The following CD1B variants were observed in gnomAD, a reference collection of about 807,000 sequenced individuals.
CD1B encodes the protein T-cell surface glycoprotein CD1b.
CD1B carries 43 observed loss-of-function variants against 39.8 expected under a neutral mutation model. The observed-to-expected ratio is 1.08, with a 90% CI of 0.85 to 1.39. The LOEUF (loss-of-function observed/expected upper bound fraction) is 1.39, where lower values mean the gene tolerates loss of function less well. CD1B is among the 40% of genes most tolerant of loss of function. The pLI is 0.00. For missense variants in CD1B, 495 were observed against 403.8 expected (o/e 1.23, Z -1.94); for synonymous variants, 192 against 152.5 (o/e 1.26, Z -1.91).
the CD1B span, among the ~76,000 whole-genome samples, chr1:158,290,630 G>A: frequency 5.9e-5 from 9 of 152,162 alleles, no homozygotes; most frequent in Non-Finnish European, 8.8e-5. Flanking sequence ...GAAGCAGATT[G>A]TCTTAGTTGC....
chr1:158,310,720 A>C, the CD1B span, among the ~76,000 whole-genome samples: 1 of 152,212 alleles, frequency 6.6e-6, no homozygotes. Flanking sequence ...AATTCTCAAC[A>C]TCACTAATCA....
At chr1:158,330,485 C>T (rs1416975995) in intron 2 of CD1B, 8 of 568,798 alleles carry the variant, frequency 1.4e-5, no homozygotes, top group Admixed American at 2.8e-5. Context: ...GAAAGCCACA[C>T]GTTAGATCAC....
the CD1B span, chr1:158,293,113 A>G: frequency 1.0e-6 from 1 of 1,003,520 alleles, no homozygotes; most frequent in African/African-American, 1.6e-5. Flanking sequence ...TAACTGATGC[A>G]ACTCATCCAA....
chr1:158,293,536 A>G, the CD1B span: 1 of 1,613,968 alleles, frequency 6.2e-7, no homozygotes, highest in Non-Finnish European at 8.5e-7. Flanking sequence ...AGCCTAGTAC[A>G]ATATAGTGAT....
chr1:158,322,782 G>T, the CD1B span, among the ~76,000 whole-genome samples: 2 of 151,962 alleles, frequency 1.3e-5, no homozygotes, highest in Admixed American at 6.6e-5. Context: ...TTTATTCTTG[G>T]TTGGCATTCT....
chr1:158,314,243 A>G, the CD1B span, among the ~76,000 whole-genome samples: 44 of 151,962 alleles, frequency 2.9e-4, no homozygotes, highest in African/African-American at 9.6e-4. Flanking sequence ...TGCCACCACA[A>G]TCAGCTAATT....
the CD1B span, among the ~76,000 whole-genome samples, chr1:158,316,809 C>G: frequency 1.3e-5 from 2 of 151,710 alleles, no homozygotes; most frequent in Non-Finnish European, 2.9e-5. Context: ...ATAGATAGCT[C>G]TTATTATTTT....
At chr1:158,327,775 C>T (rs555763164), downstream of CD1B, among the ~76,000 whole-genome samples, 1 of 152,172 alleles carries the variant, frequency 6.6e-6, no homozygotes, top group African/African-American at 2.4e-5. Flanking sequence ...GCTGAGCCTT[C>T]AGGGCTAGAA....
At chr1:158,293,089 T>C in the CD1B span, 1 of 930,382 alleles carries the variant, frequency 1.1e-6, no homozygotes. Context: ...TGGAATAGAG[T>C]GACTGAAATA....
chr1:158,293,493 TC>T, the CD1B span: 1 of 1,614,028 alleles, frequency 6.2e-7, no homozygotes, highest in Non-Finnish European at 8.5e-7. Context: ...TCCCCCTGAC[TC>T]CCCCATTGTG....
the CD1B span, chr1:158,290,057 C>A: frequency 2.5e-6 from 4 of 1,613,338 alleles, no homozygotes; most frequent in African/African-American, 1.3e-5. Context: ...GAAACATCTG[C>A]AAATGACATG....
the CD1B span, among the ~76,000 whole-genome samples, chr1:158,300,661 C>G: frequency 6.6e-6 from 1 of 151,932 alleles, no homozygotes; most frequent in Non-Finnish European, 1.5e-5. Flanking sequence ...AATCTGGGTG[C>G]TCCTGTTTTG....
chr1:158,323,302 C>T (rs1652250094), downstream of CD1B, among the ~76,000 whole-genome samples: 1 of 150,878 alleles, frequency 6.6e-6, no homozygotes, highest in African/African-American at 2.4e-5. Context: ...TTTCTTATTT[C>T]ATTAATTGTA....
the CD1B span, among the ~76,000 whole-genome samples, chr1:158,310,692 C>G: frequency 2.0e-5 from 3 of 152,062 alleles, no homozygotes; most frequent in Non-Finnish European, 2.9e-5. Flanking sequence ...ATATACATAG[C>G]CAACAAGCAT....
Position 158,328,965 on chromosome 1 carries a change from G to A in CD1B, c.936C>T (p.Ser312=). Residue 312 remains serine, a synonymous_variant, in exon 5 of 6, where the codon TCC becomes TCT. Transcript: ENST00000368168. ...GSIVLAIIVP[S]LLLLLCLALW... ...ATGCAAGGCATAGCAAAAGGAGCAA[G>A]GAAGGCACTATTATTGCCAAAACAA... The A allele has an allele frequency of 1.2e-6, 2 of 1,613,922 alleles. No individual in the cohort carries two copies. The highest frequency in any genetic ancestry group is 1.1e-5 in the South Asian group (1 of 91,070).
chr1:158,298,021 C>T, the CD1B span, among the ~76,000 whole-genome samples: 1 of 151,482 alleles, frequency 6.6e-6, no homozygotes, highest in African/African-American at 2.4e-5. Flanking sequence ...GCAAGGACAC[C>T]CATAGGCCAA....
chr1:158,291,033 G>C, the CD1B span: 1 of 1,239,258 alleles, frequency 8.1e-7, no homozygotes, highest in African/African-American at 1.5e-5. Context: ...AGTCATTAAT[G>C]TTTCTCTGTG....
the CD1B span, among the ~76,000 whole-genome samples, chr1:158,290,912 A>G: frequency 6.6e-6 from 1 of 152,150 alleles, no homozygotes; most frequent in East Asian, 1.9e-4. Context: ...ATCAATGAAG[A>G]AGCCAGAATG....
the CD1B span, among the ~76,000 whole-genome samples, chr1:158,304,398 C>A: frequency 6.6e-6 from 1 of 152,092 alleles, no homozygotes; most frequent in Non-Finnish European, 1.5e-5. Flanking sequence ...GGGGGAGGGG[C>A]GCCCACCATT....
Sources: gnomAD v4.1 joint callset for allele counts (sites outside exome capture counted in the v4.1 genomes callset) on GRCh38, gnomAD v4.1.1 for gene constraint, MANE v1.5 for transcripts, NCBI Gene and HGNC (gene_info 2026-07-23, HGNC 2026-07-21) for gene names.